Variants in DNAH12 observed in about 807,000 individuals in gnomAD.
DNAH12 encodes axonemal beta dynein heavy chain 12.
Under a neutral mutation model 371.5 loss-of-function variants are expected in DNAH12, and 285 were observed. The observed-to-expected ratio is 0.77, with a 90% confidence interval of 0.70 to 0.85. DNAH12 has a LOEUF of 0.85. Among genes scored for constraint, DNAH12 ranks in the 40% least tolerant of loss-of-function variants. The probability of loss-of-function intolerance (pLI) is 0.00; values close to 1 mark genes in which losing one functional copy is unlikely to be tolerated. For synonymous variants in DNAH12, 1,200 were observed against 1,213.0 expected, an observed-to-expected ratio of 0.99 and a Z score of 0.22; for missense variants, 3,611 against 3,689.4, an observed-to-expected ratio of 0.98 and a Z score of 0.55.
chr3:57,547,935 T>C (rs982109032), upstream of DNAH12, among the ~76,000 whole-genome samples: 1 of 152,330 alleles, frequency 6.6e-6, no homozygotes, highest in Admixed American at 6.5e-5. Flanking sequence ...ATCCTTCTCA[T>C]AAACCTCTTT....
rs2153307979 is a variant in DNAH12, at chr3:57,334,944, T to C, written c.9675-4A>G. On this transcript the variant is annotated splice_polypyrimidine_tract_variant and splice_region_variant and intron_variant, in intron 60 of 73. Coordinates refer to ENST00000495027, the MANE Select transcript of DNAH12 (RefSeq NM_001366028.2). ...GTATTCAATCTCTTTCCTTGCCCTG[T>C]ATTCCCAAAATAAGGACTGTTATAT... 1 of 1,538,802 alleles carries C rather than the reference T, an allele frequency of 6.5e-7. No individual in the cohort carries two copies. The highest frequency in any genetic ancestry group is 2.4e-5 in the East Asian group (1 of 40,860).
At chr3:57,409,954 G>C (rs2064151715) in intron 39 of DNAH12, among the ~76,000 whole-genome samples, 1 of 152,148 alleles carries the variant, frequency 6.6e-6, no homozygotes, top group Non-Finnish European at 1.5e-5. Context: ...GTAGTTCCAA[G>C]CAGCCACAGA....
chr3:57,486,243 A>G (rs1360952420), intron 12 of DNAH12, among the ~76,000 whole-genome samples: 1 of 151,774 alleles, frequency 6.6e-6, no homozygotes, highest in East Asian at 1.9e-4. Context: ...AAACTATTGA[A>G]ATTTTAAAAA....
intron 2 of DNAH12, among the ~76,000 whole-genome samples, chr3:57,534,257 C>A (rs1200241049): frequency 6.6e-6 from 1 of 152,138 alleles, no homozygotes; most frequent in African/African-American, 2.4e-5. Context: ...TTGGTATCAG[C>A]AATTCAAGAC....
intron 39 of DNAH12, among the ~76,000 whole-genome samples, chr3:57,412,080 A>C (rs1268396229): frequency 2.0e-5 from 3 of 152,174 alleles, no homozygotes; most frequent in East Asian, 1.9e-4. Flanking sequence ...GAGCAAAGAT[A>C]GTCTTTTCAA....
At chr3:57,555,812 G>T in the DNAH12 span, among the ~76,000 whole-genome samples, 1 of 152,252 alleles carries the variant, frequency 6.6e-6, no homozygotes, top group African/African-American at 2.4e-5. Flanking sequence ...CGCTGGCTCA[G>T]CCTGGGGTGA....
At chr3:57,398,236 GAGCAAAAACAA>G (rs1473212453) in intron 43 of DNAH12, among the ~76,000 whole-genome samples, 10 of 152,116 alleles carry the variant, frequency 6.6e-5, no homozygotes, top group Non-Finnish European at 1.3e-4. Flanking sequence ...CGGGTTAATG[GAGCAAAAACAA>G]AACAAAAACA....
intron 69 of DNAH12, among the ~76,000 whole-genome samples, chr3:57,306,607 G>A (rs1255653507): frequency 2.0e-5 from 3 of 151,810 alleles, no homozygotes; most frequent in Admixed American, 6.6e-5. Flanking sequence ...CCTCCTTAGC[G>A]ACCGATCATG....
At chr3:57,412,807 G>C (rs1457483202) in intron 39 of DNAH12, among the ~76,000 whole-genome samples, 1 of 152,166 alleles carries the variant, frequency 6.6e-6, no homozygotes, top group Non-Finnish European at 1.5e-5. Context: ...AGAAGACGTG[G>C]AGCAACACTA....
At position 57,504,556 on chromosome 3, in the gene DNAH12, C is replaced by T. The variant is rs757502036; in HGVS notation, c.898-352G>A. ...CTCCTGAGTAGCTGGGACTACGGCG[C>T]GTGCCACCACACCCAGCTAATCAGC... On this transcript the variant is annotated intron_variant, in intron 8 of 73. Coordinates refer to ENST00000495027, the MANE Select transcript of DNAH12 (RefSeq NM_001366028.2). 2.0e-4 allele frequency among the ~76,000 whole-genome samples: 30 copies of T among 151,658 alleles called. No homozygotes were observed. The East Asian group carries it at 4.0e-3, about 20-fold the overall frequency.
chr3:57,432,238 C>T (rs182070654), intron 32 of DNAH12, among the ~76,000 whole-genome samples: 170 of 144,942 alleles, frequency 1.2e-3, no homozygotes, highest in African/African-American at 4.3e-3. Context: ...GGTGTGATCT[C>T]GGTTAACTGC....
At chr3:57,414,044 T>A in intron 38 of DNAH12, 132 bp from the exon 39 acceptor site, 1 of 824,290 alleles carries the variant, frequency 1.2e-6, no homozygotes, top group South Asian at 1.9e-5. Context: ...CCAGTAACAA[T>A]TACTATTTGC....
intron 39 of DNAH12, among the ~76,000 whole-genome samples, chr3:57,413,312 C>T (rs1338067453): frequency 6.6e-6 from 1 of 152,086 alleles, no homozygotes; most frequent in Non-Finnish European, 1.5e-5. Context: ...GAAAAGAGAA[C>T]ACAGAGGATC....
intron 62 of DNAH12, among the ~76,000 whole-genome samples, chr3:57,324,511 G>A (rs2061885555): frequency 6.6e-6 from 1 of 152,126 alleles, no homozygotes; most frequent in Non-Finnish European, 1.5e-5. Flanking sequence ...ATGGAGTAAG[G>A]CAGATTGCCC....
intron 62 of DNAH12, among the ~76,000 whole-genome samples, chr3:57,323,985 T>C (rs140760896): frequency 1.9e-4 from 29 of 152,362 alleles, no homozygotes; most frequent in African/African-American, 7.0e-4. Flanking sequence ...GCAGGTAATG[T>C]GGCCATGTGA....
At chr3:57,505,053 AATTTTTGT>A (rs1423505797) in intron 8 of DNAH12, among the ~76,000 whole-genome samples, 4 of 151,940 alleles carry the variant, frequency 2.6e-5, no homozygotes, top group African/African-American at 9.7e-5. Flanking sequence ...ACGCCTGGCT[AATTTTTGT>A]ATTTTTTGTA....
At position 57,309,153 on chromosome 3, in the gene DNAH12, G is replaced by A. The variant is rs2061534592; in HGVS notation, c.11187C>T (p.Asn3729=). Residue 3729 remains asparagine, a splice_region_variant and synonymous_variant, in exon 69 of 74, where the codon AAC becomes AAT. Transcript: ENST00000495027. The stretch of plus-strand genomic sequence containing the variant: ...TCACTGGGGATATAGATCCTTACTT[G>A]TTAAATCTTTCCATTTCTTGTACTA... ...TVLVQEMERF[N]NLIITIRNTL... The A allele has an allele frequency of 6.5e-7, 1 of 1,537,628 alleles. No homozygotes were observed. Among genetic ancestry groups the A allele is most frequent in the Middle Eastern group, 1.7e-4 (1 of 5,914 alleles).
chr3:57,428,087 C>T lies in DNAH12; in HGVS notation c.5253+546G>A, dbSNP rs186623447. 7.2e-5 allele frequency among the ~76,000 whole-genome samples: 11 copies of T among 152,090 alleles called. No homozygotes were observed. The East Asian group carries it at 2.1e-3, about 29-fold the overall frequency. On this transcript the variant is annotated intron_variant, in intron 34 of 73. Transcript: ENST00000495027. ...GGGATTACAGGCATGTACCACCATG[C>T]CCGGCTAATTTTTATATCTTTAGTA...
At chr3:57,546,008 A>T (rs889240293), upstream of DNAH12, among the ~76,000 whole-genome samples, 5 of 152,020 alleles carry the variant, frequency 3.3e-5, no homozygotes, top group Non-Finnish European at 7.4e-5. Flanking sequence ...AGGAATCATC[A>T]CTTCAGCTCC....
Sources: gnomAD v4.1 joint callset for allele counts (sites outside exome capture counted in the v4.1 genomes callset) on GRCh38, gnomAD v4.1.1 for gene constraint, MANE v1.5 for transcripts, NCBI Gene and HGNC (gene_info 2026-07-23, HGNC 2026-07-21) for gene names.